Variants in RBM6 observed in about 807,000 individuals in gnomAD.
The protein encoded by RBM6 is RNA-binding protein 6.
RBM6 carries 23 observed loss-of-function variants against 140.4 expected under a neutral mutation model. The observed-to-expected ratio is 0.16, with a 90% CI of 0.12 to 0.23. The LOEUF (loss-of-function observed/expected upper bound fraction) is 0.23, where lower values mean the gene tolerates loss of function less well. Ranked by LOEUF, RBM6 falls within the 10% of genes least tolerant of loss-of-function variation. The pLI is 1.00. For synonymous variants in RBM6, 439 were observed against 475.6 expected (o/e 0.92, Z 1.00); for missense variants, 1,139 against 1,386.7 (o/e 0.82, Z 2.84).
chr3:50,031,157 T>C (rs1295401919), intron 6 of RBM6, among the ~76,000 whole-genome samples: 4 of 152,188 alleles, frequency 2.6e-5, no homozygotes, highest in African/African-American at 7.2e-5. Flanking sequence ...GTTCAGCCAT[T>C]GTGGAAGACA....
intron 9 of RBM6, 38 bp from the exon 10 acceptor site, chr3:50,058,364 C>G: frequency 6.4e-7 from 1 of 1,568,296 alleles, no homozygotes; most frequent in Non-Finnish European, 8.8e-7. Flanking sequence ...ATCTTTCTCT[C>G]CCTTGTGTTG....
At chr3:49,953,838 A>G (rs900869276) in intron 1 of RBM6, among the ~76,000 whole-genome samples, 1 of 152,122 alleles carries the variant, frequency 6.6e-6, no homozygotes. Context: ...CTAATTAAAA[A>G]AAAAATTTTG....
At position 50,062,004 on chromosome 3, in the gene RBM6, G is replaced by A. The variant is rs774581398; in HGVS notation, c.2482G>A (p.Glu828Lys). Residue 828 changes from glutamate to lysine, a missense_variant, in exon 15 of 21, where the codon GAA (glutamate) becomes AAA (lysine). This residue lies in a region of RBM6 where 163 missense variants were observed against 182.8 expected (regional missense o/e 0.89). Coordinates refer to ENST00000266022, the MANE Select transcript of RBM6 (RefSeq NM_005777.3). ...VPQDPGLPEE[E>K]EIKEKKPTSQ... ...CCAGGATCCTGGATTACCTGAGGAAGAAGAGATCAAGGAAAAAAAACCCAC... is the reference window on the plus strand; with the variant it reads ...CCAGGATCCTGGATTACCTGAGGAAAAAGAGATCAAGGAAAAAAAACCCAC... 6 of 1,613,752 alleles carry A rather than the reference G, an allele frequency of 3.7e-6. No individual in the cohort carries two copies. Among genetic ancestry groups the A allele is most frequent in the South Asian group, 2.2e-5 (2 of 91,052 alleles).
chr3:49,945,827 A>C (rs2083460307), intron 1 of RBM6, among the ~76,000 whole-genome samples: 1 of 143,920 alleles, frequency 6.9e-6, no homozygotes, highest in East Asian at 2.1e-4. Flanking sequence ...GCTTGCAGTG[A>C]GCCAAAATCG....
At chr3:50,025,003 A>C (rs981962668) in intron 6 of RBM6, among the ~76,000 whole-genome samples, 2 of 149,958 alleles carry the variant, frequency 1.3e-5, no homozygotes, top group African/African-American at 4.9e-5. Context: ...AAAACAAAAA[A>C]CAAAAAACAA....
At chr3:50,003,132 GAATA>G (rs894821259) in intron 6 of RBM6, among the ~76,000 whole-genome samples, 1 of 151,272 alleles carries the variant, frequency 6.6e-6, no homozygotes, top group Non-Finnish European at 1.5e-5. Flanking sequence ...CAATAAAATT[GAATA>G]AATAAATAAA....
intron 6 of RBM6, among the ~76,000 whole-genome samples, chr3:50,047,592 ACT>A (rs1309886207): frequency 6.6e-6 from 1 of 151,806 alleles, no homozygotes; most frequent in East Asian, 1.9e-4. Flanking sequence ...GGGCTAGCTC[ACT>A]CTATAGGCTC....
intron 9 of RBM6, 77 bp from the exon 10 acceptor site, chr3:50,058,325 C>A: frequency 1.4e-6 from 2 of 1,455,064 alleles, no homozygotes; most frequent in Non-Finnish European, 9.5e-7. Context: ...TAAAAAATGA[C>A]AGTCAGATTC....
chr3:49,987,125 T>G (rs2085599253), intron 5 of RBM6, among the ~76,000 whole-genome samples: 1 of 151,818 alleles, frequency 6.6e-6, no homozygotes, highest in Admixed American at 6.6e-5. Flanking sequence ...CAGGCTGGAG[T>G]GCAGTGGCAC....
chr3:49,955,160 CTTTTTTTTTTTTTT>C (rs869272546), intron 1 of RBM6, among the ~76,000 whole-genome samples: 1 of 72,714 alleles, frequency 1.4e-5, no homozygotes, highest in African/African-American at 5.8e-5. Flanking sequence ...TTTTTTCTTT[CTTTTTTTTTTTTTT>C]TTTTTTTTTT....
chr3:50,067,690 C>G (rs1160505620), intron 17 of RBM6, among the ~76,000 whole-genome samples: 1 of 152,138 alleles, frequency 6.6e-6, no homozygotes, highest in Non-Finnish European at 1.5e-5. Flanking sequence ...ATGAACTGAC[C>G]AAGGATCCAA....
intron 5 of RBM6, chr3:49,981,751 C>T (rs1458612566): frequency 6.6e-6 from 1 of 152,156 alleles, no homozygotes; most frequent in Non-Finnish European, 1.5e-5. Flanking sequence ...TATACTTCCT[C>T]CAGAGATCTT....
In RBM6 at chr3:49,968,512, C is replaced by G; in HGVS notation, c.1087C>G (p.Pro363Ala). 6.2e-7 allele frequency: 1 copy of G among 1,614,140 alleles called. No individual in the cohort carries two copies. The highest frequency in any genetic ancestry group is 8.5e-7 in the Non-Finnish European group (1 of 1,180,024). ...AGCAGACTTTCAGAACAGCCAAAGT[C>G]CAGTTCAAGACCAAGATAAGTCACA... is the stretch of plus-strand genomic sequence containing the variant. Reference protein sequence around the residue: ...SPADFQNSQSPVQDQDKSQLS... With the variant: ...SPADFQNSQSAVQDQDKSQLS... Residue 363 changes from proline (P) to alanine (A), a missense_variant, in exon 3 of 21, where the codon CCA becomes GCA. Physicochemically the swap from Pro to Ala is conservative, Grantham distance 27. Transcript: ENST00000266022.
chr3:49,979,208 A>G (rs975722131), intron 5 of RBM6, among the ~76,000 whole-genome samples: 2 of 152,198 alleles, frequency 1.3e-5, no homozygotes, highest in Admixed American at 6.5e-5. Context: ...TTTATATGAA[A>G]TATCTAGAGA....
intron 5 of RBM6, among the ~76,000 whole-genome samples, chr3:49,993,077 T>G (rs183430687): frequency 2.6e-4 from 40 of 152,358 alleles, no homozygotes; most frequent in Non-Finnish European, 5.3e-4. Flanking sequence ...TATGACCGTT[T>G]GTACTTGTCA....
intron 19 of RBM6, among the ~76,000 whole-genome samples, chr3:50,071,360 G>T (rs2090291968): frequency 6.6e-6 from 1 of 152,182 alleles, no homozygotes; most frequent in African/African-American, 2.4e-5. Context: ...GGCAGTGGAC[G>T]GTCATGGAAT....
Position 50,077,083 on chromosome 3 carries a change from C to G in RBM6, c.3322C>G (p.Arg1108Gly). 1 of 1,613,098 alleles carries G rather than the reference C, an allele frequency of 6.2e-7. No homozygotes were observed. Among genetic ancestry groups the G allele is most frequent in the Non-Finnish European group, 8.5e-7 (1 of 1,179,802 alleles). Reference protein sequence around the residue: ...TSKRQSNETYRDAVRRVMFAR... With the variant: ...TSKRQSNETYGDAVRRVMFAR... ...CAAAAGACAGTCCAACGAGACTTAC[C>G]GAGATGCTGTTCGAAGAGTCATGTT... The change falls in exon 21 of 21, where the codon CGA becomes GGA. Residue 1108 changes from arginine to glycine, a missense_variant. Transcript: ENST00000266022.
intron 6 of RBM6, among the ~76,000 whole-genome samples, chr3:50,030,405 A>G: frequency 6.6e-6 from 1 of 152,138 alleles, no homozygotes; most frequent in East Asian, 1.9e-4. Context: ...GTCAAGTGAC[A>G]GTAGGACCTC....
Position 50,070,478 on chromosome 3 carries a change from T to C in RBM6, c.3042T>C (p.Asn1014=). ...EREGKFKGRG[N]DRREKLQSFD... The stretch of plus-strand genomic sequence containing the variant: ...AGGGAAAGTTTAAAGGAAGAGGAAA[T>C]GATCGCAGGGAAAAGCTCCAGTCTT... Residue 1014 remains asparagine, a synonymous_variant, in exon 19 of 21, where the codon AAT becomes AAC. Coordinates refer to ENST00000266022, the MANE Select transcript of RBM6 (RefSeq NM_005777.3). 1 of 1,613,858 alleles carries C rather than the reference T, an allele frequency of 6.2e-7. No individual in the cohort carries two copies. The highest frequency in any genetic ancestry group is 8.5e-7 in the Non-Finnish European group (1 of 1,179,864).
Sources: gnomAD v4.1 joint callset for allele counts (sites outside exome capture counted in the v4.1 genomes callset) on GRCh38, gnomAD v4.1.1 for gene constraint, gnomAD v4.1.1 regional missense constraint, MANE v1.5 for transcripts, NCBI Gene and HGNC (gene_info 2026-07-23, HGNC 2026-07-21) for gene names.